Variants in DTNB observed in about 807,000 individuals in gnomAD.
DTNB encodes dystrobrevin beta.
In DTNB, 63 loss-of-function variants were observed where a neutral mutation model predicts 90.7. That is an observed-to-expected ratio of 0.69 (90% CI 0.57 to 0.86). The LOEUF is 0.86. Among genes scored for constraint, DTNB ranks in the 40% least tolerant of loss-of-function variants. DTNB has a pLI of 0.00. For synonymous variants in DTNB, 277 were observed against 286.7 expected (o/e 0.97, Z 0.34); for missense variants, 744 against 807.1 (o/e 0.92, Z 0.95).
chr2:25,484,019 T>A lies in DTNB; in HGVS notation c.1002-1146A>T, dbSNP rs563106443. Among the ~76,000 whole-genome samples the A allele has an allele frequency of 9.8e-5, 15 of 152,324 alleles. No individual in the cohort carries two copies. The South Asian group carries it at 3.1e-3, about 32-fold the overall frequency. ...GTTTGTAGCTTGGAGGCTACATACA[T>A]AGAGTGTACTTACACATACTTGGAT... On this transcript the variant is annotated intron_variant, in intron 9 of 20. Coordinates refer to ENST00000406818, the MANE Select transcript of DTNB (RefSeq NM_021907.5).
intron 12 of DTNB, among the ~76,000 whole-genome samples, chr2:25,438,728 C>T (rs1482674605): frequency 1.3e-5 from 2 of 152,168 alleles, no homozygotes; most frequent in African/African-American, 4.8e-5. Flanking sequence ...GACTTCCTTC[C>T]GAAGAGTCTG....
At chr2:25,471,613 C>T (rs544396782) in intron 10 of DTNB, among the ~76,000 whole-genome samples, 1 of 152,082 alleles carries the variant, frequency 6.6e-6, no homozygotes, top group Non-Finnish European at 1.5e-5. Flanking sequence ...CCAGGTTGGT[C>T]TCAAACTTCT....
intron 12 of DTNB, among the ~76,000 whole-genome samples, chr2:25,434,418 T>G (rs2055012717): frequency 6.7e-6 from 1 of 149,466 alleles, no homozygotes; most frequent in Non-Finnish European, 1.5e-5. Flanking sequence ...TTTTTTTTTT[T>G]TTTGAGATAA....
chr2:25,381,670 C>G (rs895529216), intron 19 of DTNB, among the ~76,000 whole-genome samples: 5 of 152,212 alleles, frequency 3.3e-5, no homozygotes, highest in African/African-American at 1.2e-4. Context: ...GCCACCATGC[C>G]CAGCCTAGTC....
intron 16 of DTNB, among the ~76,000 whole-genome samples, chr2:25,411,067 G>C (rs1021643742): frequency 1.3e-5 from 2 of 151,430 alleles, no homozygotes; most frequent in Non-Finnish European, 2.9e-5. Context: ...TAACCATAAA[G>C]AAAAACCATA....
At chr2:25,379,048 C>T (rs2036739195) in intron 20 of DTNB, among the ~76,000 whole-genome samples, 1 of 152,166 alleles carries the variant, frequency 6.6e-6, no homozygotes, top group South Asian at 2.1e-4. Context: ...ACAGAGGACA[C>T]CAGGCCATGC....
At chr2:25,467,181 T>C (rs985868862) in intron 10 of DTNB, among the ~76,000 whole-genome samples, 1 of 152,220 alleles carries the variant, frequency 6.6e-6, no homozygotes, top group African/African-American at 2.4e-5. Flanking sequence ...ATCTCCATAT[T>C]TGTTATTCTA....
intron 9 of DTNB, among the ~76,000 whole-genome samples, chr2:25,530,784 A>G (rs2150909176): frequency 6.6e-6 from 1 of 152,348 alleles, no homozygotes; most frequent in South Asian, 2.1e-4. Context: ...CCTGATAAAG[A>G]TTCGTGATCC....
At chr2:25,666,938 C>T (rs2084592364) in intron 1 of DTNB, among the ~76,000 whole-genome samples, 1 of 152,108 alleles carries the variant, frequency 6.6e-6, no homozygotes, top group Non-Finnish European at 1.5e-5. Context: ...TTATCTAATA[C>T]TCTAGGCTTA....
At chr2:25,541,517 T>C (rs573357366) in intron 8 of DTNB, among the ~76,000 whole-genome samples, 74 of 151,984 alleles carry the variant, frequency 4.9e-4, no homozygotes, top group African/African-American at 1.2e-3. Context: ...AATAAATAAA[T>C]AAACAAGTAC....
At chr2:25,480,274 GTC>G (rs1179062922) in intron 10 of DTNB, among the ~76,000 whole-genome samples, 1 of 152,124 alleles carries the variant, frequency 6.6e-6, no homozygotes, top group Non-Finnish European at 1.5e-5. Context: ...TTCTTCTCTG[GTC>G]TGCCCTCTGG....
At chr2:25,473,875 G>C (rs1363514010) in intron 10 of DTNB, among the ~76,000 whole-genome samples, 1 of 152,160 alleles carries the variant, frequency 6.6e-6, no homozygotes, top group East Asian at 1.9e-4. Context: ...ATCTGAACAC[G>C]ACAACATTGC....
intron 8 of DTNB, among the ~76,000 whole-genome samples, chr2:25,534,294 CAT>C (rs1483508301): frequency 6.6e-6 from 1 of 152,172 alleles, no homozygotes; most frequent in Non-Finnish European, 1.5e-5. Context: ...GGACACAGCA[CAT>C]GTTTCAGAGA....
chr2:25,621,585 A>G (rs1233284865), intron 4 of DTNB, among the ~76,000 whole-genome samples: 1 of 146,176 alleles, frequency 6.8e-6, no homozygotes, highest in Non-Finnish European at 1.5e-5. Flanking sequence ...GATTACAGGC[A>G]TGCACCACCA....
At chr2:25,660,468 T>G (rs564085277) in intron 1 of DTNB, among the ~76,000 whole-genome samples, 14 of 152,206 alleles carry the variant, frequency 9.2e-5, no homozygotes, top group African/African-American at 3.1e-4. Flanking sequence ...TGCTAATGAG[T>G]ACAGGGTTCT....
At position 25,453,203 on chromosome 2, in the gene DTNB, C is replaced by T. The variant is rs774450210; in HGVS notation, c.1170-1568G>A. On this transcript the variant is annotated intron_variant, in intron 11 of 20. Coordinates refer to ENST00000406818, the MANE Select transcript of DTNB (RefSeq NM_021907.5). ...CAAAAGAGCTCCTTTTTCTCAATCA[C>T]ATTCTATCTCCTTAGGAAGGTTGAT... is the stretch of plus-strand genomic sequence containing the variant. 1.6e-4 allele frequency among the ~76,000 whole-genome samples: 24 copies of T among 152,158 alleles called. 1 individual carries two copies. The highest frequency in any genetic ancestry group is 2.4e-4 in the Non-Finnish European group (16 of 68,034).
At chr2:25,515,051 A>G (rs1265508043) in intron 9 of DTNB, among the ~76,000 whole-genome samples, 1 of 152,192 alleles carries the variant, frequency 6.6e-6, no homozygotes, top group Non-Finnish European at 1.5e-5. Context: ...GGGTTGAATC[A>G]AAGGGAATAT....
At chr2:25,602,205 C>CTGGAGGG (rs1266064003) in intron 5 of DTNB, among the ~76,000 whole-genome samples, 2 of 152,148 alleles carry the variant, frequency 1.3e-5, no homozygotes, top group Non-Finnish European at 2.9e-5. Flanking sequence ...GGGTGGGAGT[C>CTGGAGGG]TGCATGCCTT....
chr2:25,452,397 AT>A (rs2059410711), intron 11 of DTNB, among the ~76,000 whole-genome samples: 1 of 152,184 alleles, frequency 6.6e-6, no homozygotes, highest in Non-Finnish European at 1.5e-5. Flanking sequence ...ACCAAATGCT[AT>A]TTATCCTTAT....
Sources: gnomAD v4.1 joint callset for allele counts (sites outside exome capture counted in the v4.1 genomes callset) on GRCh38, gnomAD v4.1.1 for gene constraint, MANE v1.5 for transcripts, NCBI Gene and HGNC (gene_info 2026-07-23, HGNC 2026-07-21) for gene names.